The following AKT3 variants were observed in gnomAD, a reference collection of about 807,000 sequenced individuals.
AKT3 encodes RAC-gamma serine/threonine-protein kinase.
In AKT3, 15 loss-of-function variants were observed where a neutral mutation model predicts 65.3. The observed-to-expected ratio is 0.23, with a 90% CI of 0.15 to 0.35. AKT3 has a LOEUF of 0.35. AKT3 is among the 10% of genes least tolerant of loss of function. The pLI is 1.00. For missense variants in AKT3, 243 were observed against 576.5 expected, an observed-to-expected ratio of 0.42 and a Z score of 5.92; for synonymous variants, 206 against 183.8, an observed-to-expected ratio of 1.12 and a Z score of -0.98.
chr1:243,525,993 A>T (rs1671044696), intron 12 of AKT3, among the ~76,000 whole-genome samples: 1 of 151,486 alleles, frequency 6.6e-6, no homozygotes, highest in South Asian at 2.1e-4. Context: ...CATTATAGTC[A>T]AAAGGCTTAA....
chr1:243,577,772 T>A (rs1333304737), intron 8 of AKT3, among the ~76,000 whole-genome samples: 1 of 151,464 alleles, frequency 6.6e-6, no homozygotes, highest in Non-Finnish European at 1.5e-5. Flanking sequence ...TGGGAGAAAA[T>A]TTTTGCAACC....
At chr1:243,572,597 T>A (rs1276121860) in intron 9 of AKT3, among the ~76,000 whole-genome samples, 2 of 152,250 alleles carry the variant, frequency 1.3e-5, no homozygotes, top group African/African-American at 4.8e-5. Context: ...CTTACTATGT[T>A]TCTTCATAAA....
intron 3 of AKT3, among the ~76,000 whole-genome samples, chr1:243,676,426 T>C (rs574386710): frequency 3.2e-4 from 48 of 152,252 alleles, no homozygotes; most frequent in African/African-American, 7.2e-4. Context: ...TAATTATAGA[T>C]AGGCTCCCCA....
rs568667550 is a variant in AKT3, at chr1:243,529,812, T to G, written c.1251+15698A>C. ...CCACATGGATTTAAAAATAGTTTGG[T>G]TTTTTTTTCTAATTTTGTGAAGACT... On this transcript the variant is annotated intron_variant, in intron 12 of 13. Coordinates refer to ENST00000673466, the MANE Select transcript of AKT3 (RefSeq NM_005465.7). 6.3e-4 allele frequency among the ~76,000 whole-genome samples: 95 copies of G among 151,548 alleles called. 3 individuals carry two copies. Among genetic ancestry groups the G allele is most frequent in the Admixed American group, 5.2e-3 (79 of 15,206 alleles).
intron 2 of AKT3, among the ~76,000 whole-genome samples, chr1:243,746,901 G>A (rs929917453): frequency 1.3e-5 from 2 of 152,038 alleles, no homozygotes; most frequent in African/African-American, 4.8e-5. Context: ...TGAACATGGG[G>A]GGTGGGGGGC....
At chr1:243,843,714 C>T (rs533453499) in intron 1 of AKT3, 8 of 381,002 alleles carry the variant, frequency 2.1e-5, no homozygotes, top group African/African-American at 6.7e-5. Flanking sequence ...TACAGTGGCG[C>T]GATCTCTGCT....
intron 6 of AKT3, 49 bp downstream of exon 6, chr1:243,637,562 T>A (rs771953656): frequency 7.9e-6 from 12 of 1,517,956 alleles, no homozygotes; most frequent in Non-Finnish European, 1.1e-5. Flanking sequence ...CACAAACACA[T>A]GCACACTGCA....
chr1:243,727,399 C>T (rs1687277364), intron 2 of AKT3, among the ~76,000 whole-genome samples: 1 of 152,072 alleles, frequency 6.6e-6, no homozygotes, highest in South Asian at 2.1e-4. Flanking sequence ...CTCAAGCAAT[C>T]CTCCCAAGTA....
At chr1:243,780,027 A>G (rs973376313) in intron 2 of AKT3, among the ~76,000 whole-genome samples, 1 of 152,158 alleles carries the variant, frequency 6.6e-6, no homozygotes, top group Non-Finnish European at 1.5e-5. Context: ...TCAGAATTAG[A>G]AAACTACCAT....
At chr1:243,490,676 T>C (rs1195520048) in intron 13 of AKT3, among the ~76,000 whole-genome samples, 1 of 152,238 alleles carries the variant, frequency 6.6e-6, no homozygotes, top group Non-Finnish European at 1.5e-5. Flanking sequence ...CACGGGCCCT[T>C]GGGCACACAG....
intron 2 of AKT3, among the ~76,000 whole-genome samples, chr1:243,827,259 A>T (rs1467861352): frequency 1.3e-5 from 2 of 152,276 alleles, no homozygotes; most frequent in East Asian, 3.9e-4. Context: ...CTCTTCCACC[A>T]TTCCCATACA....
chr1:243,586,581 T>C (rs1217365506), intron 8 of AKT3, among the ~76,000 whole-genome samples: 2 of 152,116 alleles, frequency 1.3e-5, no homozygotes, highest in Non-Finnish European at 2.9e-5. Context: ...TGCAGCAACA[T>C]GGATGCAGCT....
Position 243,499,993 on chromosome 1 carries a change from G to C in AKT3, c.*5256C>G, listed in dbSNP as rs758117117. On this transcript the variant is annotated 3_prime_UTR_variant, in exon 14 of 14. Transcript: ENST00000673466. Reference sequence around the variant, plus strand: ...TGACTCTAGCTGAGCAGAGCTCCTGGTGTATGTTTTCAGAAATGGCTTGAA... The same window carrying C: ...TGACTCTAGCTGAGCAGAGCTCCTGCTGTATGTTTTCAGAAATGGCTTGAA... 1.3e-5 allele frequency: 8 copies of C among 601,738 alleles called. No individual in the cohort carries two copies. Among genetic ancestry groups the C allele is most frequent in the Non-Finnish European group, 2.4e-5 (8 of 336,570 alleles). 37.3% of individuals were successfully genotyped at this position (601,738 alleles called of 1,614,324 possible).
At chr1:243,606,331 A>G (rs558858624) in intron 8 of AKT3, among the ~76,000 whole-genome samples, 25 of 152,364 alleles carry the variant, frequency 1.6e-4, no homozygotes, top group Admixed American at 1.6e-3. Flanking sequence ...GACTTGTTGA[A>G]TAGCTTTGAC....
Position 243,779,664 on chromosome 1 carries a change from T to C in AKT3, c.46+63461A>G, listed in dbSNP as rs1443124374. ...GACAGGATAAGGAAAAGAAAAATACTGCATGAAGAACAAAGGTAAATAAAA... is the reference window on the plus strand; with the variant it reads ...GACAGGATAAGGAAAAGAAAAATACCGCATGAAGAACAAAGGTAAATAAAA... On this transcript the variant is annotated intron_variant, in intron 2 of 13. Transcript: ENST00000673466. 2.6e-5 allele frequency among the ~76,000 whole-genome samples: 4 copies of C among 152,014 alleles called. No homozygotes were observed. In the East Asian group the frequency reaches 7.7e-4, roughly 29 times the overall value.
intron 2 of AKT3, among the ~76,000 whole-genome samples, chr1:243,783,841 A>C (rs1040358000): frequency 1.3e-5 from 2 of 152,212 alleles, no homozygotes; most frequent in African/African-American, 4.8e-5. Context: ...CACAAACACA[A>C]AATTAACAAT....
intron 2 of AKT3, among the ~76,000 whole-genome samples, chr1:243,780,291 TAGAA>T (rs1381585995): frequency 1.3e-5 from 2 of 152,082 alleles, no homozygotes; most frequent in Admixed American, 6.6e-5. Context: ...TAAAGATTAT[TAGAA>T]AGACATGGCA....
chr1:243,770,412 G>C (rs1330517109), intron 2 of AKT3, among the ~76,000 whole-genome samples: 1 of 152,120 alleles, frequency 6.6e-6, no homozygotes, highest in Non-Finnish European at 1.5e-5. Context: ...GGTAGGACCT[G>C]AATTTCAGTC....
At chr1:243,681,276 G>C (rs1198542787) in intron 3 of AKT3, among the ~76,000 whole-genome samples, 1 of 152,124 alleles carries the variant, frequency 6.6e-6, no homozygotes, top group Non-Finnish European at 1.5e-5. Flanking sequence ...ATACGAGGCA[G>C]AAGGTACTCA....
Sources: gnomAD v4.1 joint callset for allele counts (sites outside exome capture counted in the v4.1 genomes callset) on GRCh38, gnomAD v4.1.1 for gene constraint, MANE v1.5 for transcripts, NCBI Gene and HGNC (gene_info 2026-07-23, HGNC 2026-07-21) for gene names.